Variants in CENPI observed in about 807,000 individuals in gnomAD.
CENPI encodes FSH primary response 1.
In CENPI, 4 loss-of-function variants were observed where a neutral mutation model predicts 60.4. The ratio of observed to expected loss-of-function variants is 0.07; its 90% CI spans 0.03 to 0.15. The LOEUF (loss-of-function observed/expected upper bound fraction) is 0.15, where lower values mean the gene tolerates loss of function less well. Ranked by LOEUF, CENPI falls within the 10% of genes least tolerant of loss-of-function variation. The pLI is 1.00. For missense variants in CENPI, 444 were observed against 534.5 expected (o/e 0.83, Z 1.67); for synonymous variants, 157 against 189.4 (o/e 0.83, Z 1.40).
rs1009986985 is a variant in CENPI, at chrX:101,163,844, G to T, written c.*877G>T. Among the ~76,000 whole-genome samples the T allele has an allele frequency of 9.0e-6, 1 of 111,419 alleles. No individual in the cohort carries two copies. Among genetic ancestry groups the T allele is most frequent in the African/African-American group, 3.3e-5 (1 of 30,627 alleles). On this transcript the variant is annotated 3_prime_UTR_variant, in exon 22 of 22. Transcript: ENST00000682095. The stretch of plus-strand genomic sequence containing the variant: ...AGGTCAGGAGTTCGAGATGAGGCTG[G>T]CCAATATGGTAAAACCCTGTCTCTA...
chrX:101,098,236 TAG>T lies in CENPI; in HGVS notation c.-119_-118del, dbSNP rs1048672542. On this transcript the variant is annotated 5_prime_UTR_variant, in exon 1 of 22. Coordinates refer to ENST00000682095, the MANE Select transcript of CENPI (RefSeq NM_001386188.2). Reference sequence around the variant, plus strand: ...GGTCAGAGGCCTGTGCGGCTGCAGGTAGAGTGTCTTAGGTGAGGAGGTACTTT... The same window carrying T: ...GGTCAGAGGCCTGTGCGGCTGCAGGTAGTGTCTTAGGTGAGGAGGTACTTT... The T allele has an allele frequency of 2.7e-5, 3 of 113,206 alleles. No homozygotes were observed. The highest frequency in any genetic ancestry group is 9.6e-5 in the African/African-American group (3 of 31,168). 9.3% of individuals were successfully genotyped at this position (113,206 alleles called of 1,213,427 possible). A position where few individuals can be genotyped will look rare whatever the true frequency, so the allele number is the denominator to read the frequency against.
intron 20 of CENPI, among the ~76,000 whole-genome samples, chrX:101,157,273 TATC>T (rs1428839214): frequency 1.8e-5 from 2 of 111,601 alleles, no homozygotes; most frequent in Non-Finnish European, 3.8e-5. Context: ...CTAAACTAGT[TATC>T]ACTATCCCTG....
At chrX:101,180,807 C>T in the CENPI span, among the ~76,000 whole-genome samples, 1 of 111,332 alleles carries the variant, frequency 9.0e-6, no homozygotes, top group East Asian at 2.8e-4. Flanking sequence ...TGCTCTGCTG[C>T]CCAAACTGGA....
chrX:101,179,552 G>A, the CENPI span, among the ~76,000 whole-genome samples: 7 of 105,883 alleles, frequency 6.6e-5, no homozygotes, highest in Middle Eastern at 4.8e-3. Flanking sequence ...ACGGAGTCTC[G>A]CTCTGTCGCC....
At chrX:101,153,137 G>T (rs2148247863) in intron 20 of CENPI, among the ~76,000 whole-genome samples, 1 of 110,325 alleles carries the variant, frequency 9.1e-6, no homozygotes, top group Non-Finnish European at 1.9e-5. Context: ...CTGGAAGTGT[G>T]AAATGGTATT....
the CENPI span, among the ~76,000 whole-genome samples, chrX:101,171,878 A>G: frequency 8.9e-6 from 1 of 112,095 alleles, no homozygotes; most frequent in Non-Finnish European, 1.9e-5. Context: ...GCTTCAAATG[A>G]CACCATTAAG....
chrX:101,142,026 C>T (rs1393903442), intron 16 of CENPI, among the ~76,000 whole-genome samples: 2 of 112,041 alleles, frequency 1.8e-5, no homozygotes, highest in Admixed American at 1.9e-4. Flanking sequence ...GCCACCACAT[C>T]CAGTCTGAAA....
chrX:101,141,237 A>G (rs2089912521), intron 16 of CENPI: 1 of 112,144 alleles, frequency 8.9e-6, no homozygotes, highest in African/African-American at 3.2e-5. Flanking sequence ...AAATTGTTAA[A>G]TGTGTGCTTT....
In CENPI at chrX:101,128,765, A is replaced by G. The variant is rs775417116; in HGVS notation, c.1124A>G (p.Tyr375Cys). 139 of 1,206,318 alleles carry G rather than the reference A, an allele frequency of 1.2e-4. No individual in the cohort carries two copies. The highest frequency in any genetic ancestry group is 2.3e-4 in the Middle Eastern group (1 of 4,341). The change falls in exon 12 of 22, where the codon TAC becomes TGC. Residue 375 changes from tyrosine to cysteine, a missense_variant. Tyr to Cys is a radical substitution (Grantham distance 194, BLOSUM62 -2). Coordinates refer to ENST00000682095, the MANE Select transcript of CENPI (RefSeq NM_001386188.2). ...SVLNNSLLLH[Y>C]INCVRDEPVL... is the part of the protein sequence containing the mutation. ...CTAAACAACTCTCTGCTGCTTCACT[A>G]CATTAACTGTGTCAGAGATGAGCCA...
At chrX:101,136,826 T>A (rs958006186) in intron 15 of CENPI, among the ~76,000 whole-genome samples, 5 of 112,211 alleles carry the variant, frequency 4.5e-5, no homozygotes, top group African/African-American at 1.6e-4. Flanking sequence ...GCATAATAAT[T>A]TTCATGTTTC....
Position 101,163,960 on chromosome X carries a change from G to A in CENPI, c.*993G>A, listed in dbSNP as rs143085357. 1.0e-3 allele frequency among the ~76,000 whole-genome samples: 114 copies of A among 109,320 alleles called. No individual in the cohort carries two copies. The East Asian group carries it at 0.016, about 15-fold the overall frequency. The allele number at this position is 109,320 out of a possible 115,157, so 94.9% of individuals were successfully genotyped here. On this transcript the variant is annotated 3_prime_UTR_variant, in exon 22 of 22. Coordinates refer to ENST00000682095, the MANE Select transcript of CENPI (RefSeq NM_001386188.2). ...TGGGGCAGGAGAATCGCTTGAACCCGGGAGGCGGAGGTTGCAGTGAGCCAA... is the reference window on the plus strand; with the variant it reads ...TGGGGCAGGAGAATCGCTTGAACCCAGGAGGCGGAGGTTGCAGTGAGCCAA...
At chrX:101,131,138 C>T (rs2089791952) in intron 13 of CENPI, among the ~76,000 whole-genome samples, 1 of 110,555 alleles carries the variant, frequency 9.0e-6, no homozygotes, top group Admixed American at 9.8e-5. Context: ...TACAGGTGTG[C>T]ACCACCACTC....
chrX:101,173,912 A>G, the CENPI span, among the ~76,000 whole-genome samples: 3 of 111,455 alleles, frequency 2.7e-5, no homozygotes, highest in African/African-American at 9.8e-5. Context: ...GCAAAAAACA[A>G]CCCCATTAAA....
chrX:101,150,951 C>G (rs2090001920), intron 20 of CENPI, among the ~76,000 whole-genome samples: 1 of 110,721 alleles, frequency 9.0e-6, no homozygotes, highest in Admixed American at 9.8e-5. Context: ...GTGCTTCTTC[C>G]TCATACTGCT....
At chrX:101,126,931 A>C in intron 9 of CENPI, 133 bp downstream of exon 9, 1 of 692,032 alleles carries the variant, frequency 1.4e-6, no homozygotes, top group East Asian at 3.3e-5. Flanking sequence ...CTGTTTTGGG[A>C]AAGTTTTTTT....
chrX:101,145,421 C>T (rs1189232455), intron 17 of CENPI, among the ~76,000 whole-genome samples: 2 of 110,543 alleles, frequency 1.8e-5, no homozygotes, highest in Non-Finnish European at 3.8e-5. Context: ...GGCCAGGTAC[C>T]ACTACATTGA....
At position 101,126,444 on chromosome X, in the gene CENPI, G is replaced by A. The variant is rs778165733; in HGVS notation, c.688-265G>A. On this transcript the variant is annotated intron_variant, in intron 8 of 21. Coordinates refer to ENST00000682095, the MANE Select transcript of CENPI (RefSeq NM_001386188.2). ...AGTAAGTATGACTGGTCAGCCTAAG[G>A]TATAGGAAGAGAAGAGAAAAATACA... is the stretch of plus-strand genomic sequence containing the variant. 2.7e-5 allele frequency among the ~76,000 whole-genome samples: 3 copies of A among 111,606 alleles called. No homozygotes were observed. In the East Asian group the frequency reaches 8.4e-4, roughly 31 times the overall value.
At chrX:101,153,910 T>A (rs1030141677) in intron 20 of CENPI, among the ~76,000 whole-genome samples, 1 of 112,134 alleles carries the variant, frequency 8.9e-6, no homozygotes, top group African/African-American at 3.2e-5. Context: ...TATTTGGGTT[T>A]TTTAAATCAA....
chrX:101,118,393 C>T (rs2089644607), intron 6 of CENPI, among the ~76,000 whole-genome samples: 1 of 111,918 alleles, frequency 8.9e-6, no homozygotes, highest in African/African-American at 3.2e-5. Flanking sequence ...CTCTCTTAAC[C>T]TCATATTGTT....
Sources: gnomAD v4.1 joint callset for allele counts (sites outside exome capture counted in the v4.1 genomes callset) on GRCh38, gnomAD v4.1.1 for gene constraint, MANE v1.5 for transcripts, NCBI Gene and HGNC (gene_info 2026-07-23, HGNC 2026-07-21) for gene names.